The following DNAH11 variants were observed in gnomAD, a reference collection of about 807,000 sequenced individuals.
The protein encoded by DNAH11 is dynein axonemal heavy chain 11.
In DNAH11, 442 loss-of-function variants were observed where a neutral mutation model predicts 526.0. The ratio of observed to expected loss-of-function variants is 0.84; its 90% confidence interval spans 0.78 to 0.91. DNAH11 has a LOEUF of 0.91. Among genes scored for constraint, DNAH11 ranks in the 40% least tolerant of loss-of-function variants. DNAH11 has a pLI of 0.00. For missense variants in DNAH11, 6,989 were observed against 5,448.7 expected, an observed-to-expected ratio of 1.28 and a Z score of -8.90; for synonymous variants, 2,461 against 1,935.9, an observed-to-expected ratio of 1.27 and a Z score of -7.12.
At chr7:21,718,631 A>G (rs1327417749) in intron 43 of DNAH11, among the ~76,000 whole-genome samples, 2 of 152,186 alleles carry the variant, frequency 1.3e-5, no homozygotes, top group African/African-American at 4.8e-5. Context: ...ACACACAGAA[A>G]TGAAGGCTGT....
chr7:21,616,302 A>G lies in DNAH11; in HGVS notation c.4095+10A>G, dbSNP rs1469128536. ...CAGAAGGTTTGCCAAGGCGAGTTCC[A>G]TAACTGTCTATTACAACAATTTATC... On this transcript the variant is annotated intron_variant, in intron 22 of 81. Transcript: ENST00000409508. 3 of 1,604,116 alleles carry G rather than the reference A, an allele frequency of 1.9e-6. No homozygotes were observed. The highest frequency in any genetic ancestry group is 2.6e-6 in the Non-Finnish European group (3 of 1,172,804).
chr7:21,801,256 T>A lies in DNAH11; in HGVS notation c.10146T>A (p.Leu3382=). ...AAACCATCAAATTAGCTAACAGACT[T>A]GTCAAGGAACTTGAGGCAAGTTAAA... The part of the protein sequence containing the change: ...TNKTIKLANR[L]VKELEAKKIR... Residue 3382 remains leucine (L), a synonymous_variant, in exon 62 of 82, where the codon CTT becomes CTA. Coordinates refer to ENST00000409508, the MANE Select transcript of DNAH11 (RefSeq NM_001277115.2). 1 of 1,613,898 alleles carries A rather than the reference T, an allele frequency of 6.2e-7. No individual in the cohort carries two copies. Among genetic ancestry groups the A allele is most frequent in the South Asian group, 1.1e-5 (1 of 91,040 alleles).
At chr7:21,759,898 A>G (rs73275681) in intron 54 of DNAH11, among the ~76,000 whole-genome samples, 29,109 of 152,224 alleles carry the variant, frequency 0.19, 2,954 homozygotes, top group East Asian at 0.25. Flanking sequence ...AGAAAATTCT[A>G]TGGTATGAAT....
chr7:21,794,687 G>C (rs1788631336), intron 61 of DNAH11, among the ~76,000 whole-genome samples: 1 of 151,668 alleles, frequency 6.6e-6, no homozygotes, highest in African/African-American at 2.4e-5. Context: ...ATGAAGAAGA[G>C]AATTTCATGG....
rs1397144093 is a variant in DNAH11, at chr7:21,835,398, T to C, written c.10692-7146T>C. ...AACCAATCAAAATTCAACAGCACAT[T>C]AAAAAGATCATTCACTATGACCAAG... On this transcript the variant is annotated intron_variant, in intron 65 of 81. Transcript: ENST00000409508. 2.6e-5 allele frequency among the ~76,000 whole-genome samples: 4 copies of C among 151,910 alleles called. No homozygotes were observed. The East Asian group carries it at 7.7e-4, about 29-fold the overall frequency.
Position 21,720,831 on chromosome 7 carries a change from T to C in DNAH11, c.7241T>C (p.Phe2414Ser). The C allele has an allele frequency of 6.2e-7, 1 of 1,613,170 alleles. No individual in the cohort carries two copies. Among genetic ancestry groups the C allele is most frequent in the Non-Finnish European group, 8.5e-7 (1 of 1,179,538 alleles). Residue 2414 changes from phenylalanine (F) to serine (S), a missense_variant, in exon 44 of 82, where the codon TTT becomes TCT. Phe to Ser is a radical substitution (Grantham distance 155). Transcript: ENST00000409508. ...VYFVFACIWA[F>S]GGTLLQDQIS... ...TTTGTATTTGCTTGTATCTGGGCTTTTGGAGGCACCCTGCTACAAGATCAG... is the reference window on the plus strand; with the variant it reads ...TTTGTATTTGCTTGTATCTGGGCTTCTGGAGGCACCCTGCTACAAGATCAG...
At chr7:21,747,599 A>G (rs150900790) in intron 51 of DNAH11, among the ~76,000 whole-genome samples, 9 of 152,384 alleles carry the variant, frequency 5.9e-5, no homozygotes, top group African/African-American at 2.2e-4. Context: ...AAAATATAGC[A>G]TAATATAAAT....
chr7:21,900,984 C>T (rs1784787354), intron 81 of DNAH11, 23 bp from the exon 82 acceptor site: 2 of 1,551,742 alleles, frequency 1.3e-6, no homozygotes, highest in Non-Finnish European at 1.7e-6. Flanking sequence ...CACACAATTG[C>T]AACCGCTGTG....
chr7:21,868,100 GTTTC>G lies in DNAH11; in HGVS notation c.11839+97_11839+100del. 1.1e-5 allele frequency: 10 copies of G among 920,174 alleles called. No homozygotes were observed. In the East Asian group the frequency reaches 2.4e-4, roughly 22 times the overall value. 57.0% of individuals were successfully genotyped at this position (920,174 alleles called of 1,614,324 possible). A position where few individuals can be genotyped will look rare whatever the true frequency, so the allele number is the denominator to read the frequency against. Reference sequence around the variant, plus strand: ...TTCTTTTCAGTTCACAGTGATCTTAGTTTCTTTTTTTTTTTTTTTTAATTTGTTG... The same window carrying G: ...TTCTTTTCAGTTCACAGTGATCTTAGTTTTTTTTTTTTTTTTAATTTGTTG... On this transcript the variant is annotated intron_variant, in intron 72 of 81. Coordinates refer to ENST00000409508, the MANE Select transcript of DNAH11 (RefSeq NM_001277115.2).
chr7:21,739,712 G>A, intron 48 of DNAH11, 39 bp downstream of exon 48: 1 of 1,487,136 alleles, frequency 6.7e-7, no homozygotes, highest in Admixed American at 1.8e-5. Context: ...CTGTAGGTCT[G>A]TATTGTATTG....
chr7:21,596,551 G>A (rs575649868), intron 14 of DNAH11, among the ~76,000 whole-genome samples: 1 of 152,194 alleles, frequency 6.6e-6, no homozygotes, highest in South Asian at 2.1e-4. Context: ...GACAGATGAT[G>A]GATTACGGTT....
intron 42 of DNAH11, among the ~76,000 whole-genome samples, chr7:21,712,406 C>T (rs961969224): frequency 1.1e-4 from 17 of 152,172 alleles, no homozygotes; most frequent in African/African-American, 2.4e-5. Context: ...AGAAGAATTT[C>T]TAGATCATAT....
intron 70 of DNAH11, 106 bp from the exon 71 acceptor site, chr7:21,866,364 T>A: frequency 7.9e-6 from 8 of 1,017,484 alleles, no homozygotes; most frequent in African/African-American, 1.6e-5. Flanking sequence ...GTGAATACTA[T>A]CCAGCACAGT....
chr7:21,881,414 T>A (rs1783921207), intron 75 of DNAH11, among the ~76,000 whole-genome samples: 1 of 152,204 alleles, frequency 6.6e-6, no homozygotes, highest in Non-Finnish European at 1.5e-5. Context: ...TCCCCTTGAT[T>A]TGAAGTTAAA....
rs756873483 is a variant in DNAH11 at position 21,620,017 on chromosome 7, G to A, written c.4439G>A (p.Arg1480Gln). The A allele has an allele frequency of 5.6e-6, 9 of 1,609,406 alleles. No homozygotes were observed. The highest frequency in any genetic ancestry group is 3.3e-4 in the Middle Eastern group (2 of 6,052). ...TMKFSYEVHY[R>Q]TGIPLLKSDE... ...AAGTTTTCTTACGAAGTTCACTATC[G>A]AACAGGCATTCCATTACTAAAGTCT... Residue 1480 changes from arginine (R) to glutamine (Q), a missense_variant, in exon 25 of 82, where the codon CGA becomes CAA. Transcript: ENST00000409508.
chr7:21,747,301 G>A (rs1016196677), intron 51 of DNAH11, among the ~76,000 whole-genome samples: 42 of 152,118 alleles, frequency 2.8e-4, no homozygotes, highest in African/African-American at 9.4e-4. Context: ...GTTACTGGAG[G>A]TTTTCAGAAA....
intron 76 of DNAH11, among the ~76,000 whole-genome samples, chr7:21,886,786 T>A (rs192113638): frequency 6.6e-6 from 1 of 152,338 alleles, no homozygotes; most frequent in African/African-American, 2.4e-5. Context: ...TGATGAAACC[T>A]GAAGGGGCAT....
intron 55 of DNAH11, among the ~76,000 whole-genome samples, chr7:21,767,509 T>C (rs1345169531): frequency 6.6e-6 from 1 of 152,210 alleles, no homozygotes; most frequent in Non-Finnish European, 1.5e-5. Flanking sequence ...AGAGGGCTCC[T>C]GTCAGGTGCT....
intron 64 of DNAH11, 67 bp downstream of exon 64, chr7:21,816,769 G>A: frequency 7.3e-7 from 1 of 1,374,380 alleles, no homozygotes; most frequent in South Asian, 1.2e-5. Flanking sequence ...TTTTTATAAA[G>A]GCGTGATGTT....
Sources: allele counts gnomAD v4.1 joint callset (sites outside exome capture counted in the v4.1 genomes callset), GRCh38; gene constraint gnomAD v4.1.1; transcripts MANE v1.5; gene names NCBI Gene and HGNC (gene_info 2026-07-23, HGNC 2026-07-21).